The following SLC71A2 variants were observed in gnomAD, a reference collection of about 807,000 sequenced individuals.
SLC71A2 encodes hippocampus abundant transcript-like 1.
At chr9:94,453,230 A>G in the SLC71A2 span, among the ~76,000 whole-genome samples, 8 of 149,562 alleles carry the variant, frequency 5.3e-5, no homozygotes, top group African/African-American at 2.0e-4. Flanking sequence ...GCTCACTGCA[A>G]CCTCTGCCTC....
the SLC71A2 span, among the ~76,000 whole-genome samples, chr9:94,390,205 C>T: frequency 1.3e-5 from 2 of 151,796 alleles, no homozygotes; most frequent in African/African-American, 4.8e-5. Context: ...CAGAGCAAGA[C>T]TCCATCTCAA....
the SLC71A2 span, among the ~76,000 whole-genome samples, chr9:94,379,077 G>A: frequency 9.9e-6 from 1 of 100,638 alleles, no homozygotes; most frequent in Admixed American, 8.8e-5. Context: ...AGGGATTCTT[G>A]GTGTGCATTT....
the SLC71A2 span, among the ~76,000 whole-genome samples, chr9:94,386,656 C>T: frequency 2.2e-4 from 34 of 151,998 alleles, no homozygotes; most frequent in Middle Eastern, 3.2e-3. Context: ...CATGTCAACT[C>T]AGAAAGTTGT....
At chr9:94,452,984 G>A in the SLC71A2 span, among the ~76,000 whole-genome samples, 1 of 151,852 alleles carries the variant, frequency 6.6e-6, no homozygotes, top group Admixed American at 6.6e-5. Flanking sequence ...GGAGAAATGA[G>A]AAGGCCGCAA....
chr9:94,413,592 G>C, the SLC71A2 span, among the ~76,000 whole-genome samples: 1 of 134,792 alleles, frequency 7.4e-6, no homozygotes, highest in Admixed American at 9.0e-5. Flanking sequence ...TGTAATCCCA[G>C]CACTTTGCAG....
At chr9:94,397,488 A>G in the SLC71A2 span, among the ~76,000 whole-genome samples, 15 of 8,226 alleles carry the variant, frequency 1.8e-3, no homozygotes, top group South Asian at 0.02. Flanking sequence ...GAGTGTTTGG[A>G]AAAAAAAAAA....
chr9:94,411,936 G>A, the SLC71A2 span, among the ~76,000 whole-genome samples: 8 of 152,230 alleles, frequency 5.3e-5, no homozygotes, highest in African/African-American at 1.7e-4. Context: ...TGTGCATATG[G>A]CACCTCATAG....
the SLC71A2 span, chr9:94,459,540 A>T: frequency 1.2e-6 from 1 of 840,426 alleles, no homozygotes; most frequent in Non-Finnish European, 1.8e-6. Flanking sequence ...TTTGATAAAT[A>T]CCACCGCCAT....
chr9:94,424,001 A>G, the SLC71A2 span, among the ~76,000 whole-genome samples: 2 of 152,206 alleles, frequency 1.3e-5, no homozygotes, highest in Admixed American at 6.5e-5. Flanking sequence ...TCATCCAGAA[A>G]GATCATTGTG....
chr9:94,381,455 C>T, the SLC71A2 span, among the ~76,000 whole-genome samples: 1 of 151,038 alleles, frequency 6.6e-6, no homozygotes, highest in Non-Finnish European at 1.5e-5. Context: ...TTATGTAAAT[C>T]GGTAGTTCAT....
At chr9:94,380,151 C>T in the SLC71A2 span, among the ~76,000 whole-genome samples, 2 of 152,112 alleles carry the variant, frequency 1.3e-5, no homozygotes, top group Non-Finnish European at 2.9e-5. Flanking sequence ...CCTGTAGTCC[C>T]AGCTACTTGG....
chr9:94,442,879 TAAC>T, the SLC71A2 span, among the ~76,000 whole-genome samples: 5 of 148,816 alleles, frequency 3.4e-5, no homozygotes, highest in Non-Finnish European at 7.4e-5. Context: ...CTCCAAAAAT[TAAC>T]AACCTCCCCC....
the SLC71A2 span, among the ~76,000 whole-genome samples, chr9:94,422,889 T>C: frequency 6.6e-6 from 1 of 152,074 alleles, no homozygotes; most frequent in African/African-American, 2.4e-5. Context: ...CGCACACATA[T>C]ACTTATTATT....
At chr9:94,379,935 G>A in the SLC71A2 span, among the ~76,000 whole-genome samples, 757 of 152,096 alleles carry the variant, frequency 5.0e-3, 3 homozygotes, top group Non-Finnish European at 8.2e-3. Context: ...CTGTATACAC[G>A]TAAACATGCT....
chr9:94,430,460 T>C, the SLC71A2 span, among the ~76,000 whole-genome samples: 3 of 152,064 alleles, frequency 2.0e-5, no homozygotes, highest in Non-Finnish European at 4.4e-5. Flanking sequence ...TGACCTCAAG[T>C]GATCTGCCCG....
At chr9:94,390,050 T>C in the SLC71A2 span, among the ~76,000 whole-genome samples, 2 of 152,084 alleles carry the variant, frequency 1.3e-5, no homozygotes, top group African/African-American at 4.8e-5. Flanking sequence ...CCATCTCTAC[T>C]AAAAATACAA....
the SLC71A2 span, among the ~76,000 whole-genome samples, chr9:94,395,270 A>G: frequency 6.4e-3 from 981 of 152,270 alleles, 13 homozygotes; most frequent in African/African-American, 0.023. Flanking sequence ...TGTATTTTAG[A>G]ATCATATTTT....
chr9:94,392,954 T>G, the SLC71A2 span, among the ~76,000 whole-genome samples: 1 of 152,038 alleles, frequency 6.6e-6, no homozygotes, highest in Non-Finnish European at 1.5e-5. Context: ...AATTATCTCA[T>G]GAAAAGCTAG....
At chr9:94,447,139 T>C in the SLC71A2 span, among the ~76,000 whole-genome samples, 2 of 152,226 alleles carry the variant, frequency 1.3e-5, no homozygotes, top group African/African-American at 4.8e-5. Flanking sequence ...GTGGAAATTT[T>C]TTTTTCTTGA....
Sources: gnomAD v4.1 joint callset for allele counts (sites outside exome capture counted in the v4.1 genomes callset) on GRCh38, gnomAD v4.1.1 for gene constraint, MANE v1.5 for transcripts, NCBI Gene and HGNC (gene_info 2026-07-23, HGNC 2026-07-21) for gene names.